Variants in ITGAD observed in about 807,000 individuals in gnomAD.
ITGAD encodes the protein integrin alpha-D.
In ITGAD, 105 loss-of-function variants were observed where a neutral mutation model predicts 139.0. The ratio of observed to expected loss-of-function variants is 0.76; its 90% confidence interval spans 0.65 to 0.89. The LOEUF (loss-of-function observed/expected upper bound fraction) is 0.89. Among genes scored for constraint, ITGAD ranks in the 40% least tolerant of loss-of-function variants. The pLI is 0.00. For synonymous variants in ITGAD, 569 were observed against 598.3 expected, an observed-to-expected ratio of 0.95 and a Z score of 0.71; for missense variants, 1,384 against 1,487.3, an observed-to-expected ratio of 0.93 and a Z score of 1.14.
At chr16:31,397,062 GTTTTTTTTTTTTTTTT>G (rs539015704) in intron 2 of ITGAD, among the ~76,000 whole-genome samples, 43,089 of 102,390 alleles carry the variant, frequency 0.42, 8,385 homozygotes, top group Middle Eastern at 0.64. Flanking sequence ...CTTTAAATAG[GTTTTTTTTTTTTTTTT>G]TTTTTTTTTT....
At chr16:31,419,812 C>CAAAAAAAAAAAAAAAA (rs1202333629) in intron 23 of ITGAD, among the ~76,000 whole-genome samples, 10 of 58,154 alleles carry the variant, frequency 1.7e-4, no homozygotes, top group Non-Finnish European at 2.6e-4. Flanking sequence ...GGCTCTGTCT[C>CAAAAAAAAAAAAAAAA]AAAAAAAAAA....
intron 2 of ITGAD, 112 bp downstream of exon 2, chr16:31,394,453 A>T (rs945375127): frequency 1.5e-6 from 1 of 684,570 alleles, no homozygotes; most frequent in Non-Finnish European, 2.5e-6. Context: ...AGGGGTGAGA[A>T]GTCTTCCCTT....
chr16:31,393,378 GCTT>G lies in ITGAD; in HGVS notation c.24_26del (p.Leu9del). The G allele has an allele frequency of 6.2e-7, 1 of 1,614,126 alleles. No homozygotes were observed. The highest frequency in any genetic ancestry group is 2.2e-5 in the East Asian group (1 of 44,874). On this transcript the variant is annotated inframe_deletion, in exon 1 of 30. Coordinates refer to ENST00000389202, the MANE Select transcript of ITGAD (RefSeq NM_005353.3). Reference sequence around the variant, plus strand: ...GCTCAGGGATGACCTTCGGCACTGTGCTTCTTCTGAGTGGTAAGTGGGGCCAGG... The same window carrying G: ...GCTCAGGGATGACCTTCGGCACTGTGCTTCTGAGTGGTAAGTGGGGCCAGG...
intron 23 of ITGAD, among the ~76,000 whole-genome samples, chr16:31,421,045 G>C (rs761936788): frequency 2.0e-5 from 3 of 152,198 alleles, no homozygotes; most frequent in Admixed American, 6.5e-5. Context: ...TTATGTTGCT[G>C]TTGTTTTATG....
Position 31,397,593 on chromosome 16 carries a change from C to T in ITGAD, c.242-3C>T, listed in dbSNP as rs1281441617. ...GTGAGACCCCGCGTGTCTGCCCTTGCAGTCCGCCCTGAGGCCGTGAACATG... is the reference window on the plus strand; with the variant it reads ...GTGAGACCCCGCGTGTCTGCCCTTGTAGTCCGCCCTGAGGCCGTGAACATG... On this transcript the variant is annotated splice_polypyrimidine_tract_variant and splice_region_variant and intron_variant, in intron 3 of 29. Coordinates refer to ENST00000389202, the MANE Select transcript of ITGAD (RefSeq NM_005353.3). 3.7e-6 allele frequency: 6 copies of T among 1,606,646 alleles called. No individual in the cohort carries two copies. Among genetic ancestry groups the T allele is most frequent in the Non-Finnish European group, 4.2e-6 (5 of 1,179,800 alleles).
chr16:31,407,276 C>T (rs1195724501), intron 7 of ITGAD, among the ~76,000 whole-genome samples: 2 of 152,164 alleles, frequency 1.3e-5, no homozygotes, highest in South Asian at 2.1e-4. Context: ...ATCACTTGAA[C>T]CCGGGAGACG....
chr16:31,413,937 G>A (rs1299470479), intron 16 of ITGAD, among the ~76,000 whole-genome samples: 1 of 152,096 alleles, frequency 6.6e-6, no homozygotes, highest in Non-Finnish European at 1.5e-5. Flanking sequence ...GCCTCCCCTC[G>A]CACTGATCAC....
At position 31,424,201 on chromosome 16, in the gene ITGAD, C is replaced by T. The variant is rs767778632; in HGVS notation, c.3259C>T (p.Gln1087Ter). The T allele has an allele frequency of 6.2e-6, 10 of 1,614,026 alleles. No individual in the cohort carries two copies. Among genetic ancestry groups the T allele is most frequent in the African/African-American group, 1.3e-5 (1 of 74,910 alleles). ...LPGQEAFMRA[Q>*]MEMVLEEDEV... Reference sequence around the variant, plus strand: ...AGGACAGGAGGCATTTATGAGAGCTCAGGTAGAGACCATGTGGAGGGCAGC... The same window carrying T: ...AGGACAGGAGGCATTTATGAGAGCTTAGGTAGAGACCATGTGGAGGGCAGC... The change falls in exon 28 of 30, where the codon CAG becomes TAG. Residue 1087 changes from glutamine to a stop codon, truncating the protein, a stop_gained and splice_region_variant. Coordinates refer to ENST00000389202, the MANE Select transcript of ITGAD (RefSeq NM_005353.3). LOFTEE classifies it high-confidence loss of function.
At chr16:31,406,484 A>AT (rs1184810094) in intron 7 of ITGAD, among the ~76,000 whole-genome samples, 1 of 152,198 alleles carries the variant, frequency 6.6e-6, no homozygotes, top group Non-Finnish European at 1.5e-5. Context: ...TCTGACACTA[A>AT]TTGTTTCAGT....
chr16:31,393,555 C>T (rs998941703), intron 1 of ITGAD, among the ~76,000 whole-genome samples, 164 bp downstream of exon 1: 8 of 152,054 alleles, frequency 5.3e-5, no homozygotes, highest in African/African-American at 1.9e-4. Flanking sequence ...AGAGTGTGAC[C>T]TGAATGAAGA....
At chr16:31,402,321 G>T in intron 6 of ITGAD, 76 bp downstream of exon 6, 2 of 1,257,938 alleles carry the variant, frequency 1.6e-6, no homozygotes. Context: ...CGGGAGGGGT[G>T]GGGGCAGGCC....
In ITGAD at chr16:31,410,789, G is replaced by GC. The variant is rs746237579; in HGVS notation, c.1273dup (p.Arg425ProfsTer60). The GC allele has an allele frequency of 3.7e-5, 59 of 1,613,712 alleles. No individual in the cohort carries two copies. In the African/African-American group the frequency reaches 6.3e-4, roughly 17 times the overall value. ...GGGGGTACAGAACCTGGTCCTGGGG[G>GC]CCCCCCGCTACCAGCATACCGGGAA... On this transcript the variant is annotated frameshift_variant, in exon 12 of 30. Transcript: ENST00000389202. LOFTEE classifies it high-confidence loss of function.
At chr16:31,422,314 C>T (rs2082023854) in intron 23 of ITGAD, among the ~76,000 whole-genome samples, 1 of 152,116 alleles carries the variant, frequency 6.6e-6, no homozygotes, top group South Asian at 2.1e-4. Context: ...ACTTGAATCC[C>T]CAGTGCCAAC....
chr16:31,408,359 C>G, intron 9 of ITGAD, 66 bp from the exon 10 acceptor site: 1 of 1,347,284 alleles, frequency 7.4e-7, no homozygotes. Flanking sequence ...ATGTTCTCCT[C>G]CCTGTGTTCT....
chr16:31,393,484 A>T (rs2081187171), intron 1 of ITGAD, 93 bp downstream of exon 1: 5 of 1,374,750 alleles, frequency 3.6e-6, no homozygotes, highest in Non-Finnish European at 5.2e-6. Flanking sequence ...GTCGGCTCCA[A>T]CCACTCTTAT....
At chr16:31,414,306 C>G (rs1415378761) in intron 16 of ITGAD, 145 bp from the exon 17 acceptor site, 2 of 764,120 alleles carry the variant, frequency 2.6e-6, no homozygotes, top group Non-Finnish European at 4.2e-6. Context: ...GTCCATCTAT[C>G]TTCTTCACAT....
chr16:31,402,434 T>C (rs551510751), intron 6 of ITGAD, 189 bp downstream of exon 6: 151 of 463,532 alleles, frequency 3.3e-4, no homozygotes, highest in Middle Eastern at 1.2e-3. Flanking sequence ...CATTTAATAA[T>C]GTATCCAAAA....
intron 7 of ITGAD, among the ~76,000 whole-genome samples, chr16:31,407,190 C>T (rs2081560356): frequency 6.6e-6 from 1 of 152,078 alleles, no homozygotes; most frequent in South Asian, 2.1e-4. Flanking sequence ...CTCCTCTCTA[C>T]TAAAAATACA....
At chr16:31,417,933 G>A (rs1379817878) in intron 20 of ITGAD, 142 bp from the exon 21 acceptor site, 3 of 660,692 alleles carry the variant, frequency 4.5e-6, no homozygotes, top group Admixed American at 2.8e-5. Flanking sequence ...GGTGACAAGA[G>A]TGAAATCCGT....
Sources: allele counts gnomAD v4.1 joint callset (sites outside exome capture counted in the v4.1 genomes callset), GRCh38; gene constraint gnomAD v4.1.1; transcripts MANE v1.5; gene names NCBI Gene and HGNC (gene_info 2026-07-23, HGNC 2026-07-21).